NHSL2: variants seen among roughly 807,000 people sequenced by gnomAD.
The protein encoded by NHSL2 is NHS like 2, also known as NHS-like protein 2.
A neutral mutation model predicts 53.4 loss-of-function variants in NHSL2; 27 were observed. The observed-to-expected ratio is 0.51, with a 90% confidence interval of 0.37 to 0.70. The LOEUF is 0.70. Ranked by LOEUF, NHSL2 falls within the 30% of genes least tolerant of loss-of-function variation. The pLI is 0.00. For synonymous variants in NHSL2, 408 were observed against 404.1 expected, an observed-to-expected ratio of 1.01 and a Z score of -0.12; for missense variants, 892 against 980.1, an observed-to-expected ratio of 0.91 and a Z score of 1.20.
chrX:72,132,092 G>C lies in NHSL2; in HGVS notation c.294G>C (p.Ser98=), dbSNP rs1331207835. ...EDEEELAAAN[S]GRENATATAH... is the part of the protein sequence containing the mutation. ...CTCCTTCCCTAGCTGCAGCTAACTCGGGTCGGGAAAATGCGACAGCGACTG... is the reference window on the plus strand; with the variant it reads ...CTCCTTCCCTAGCTGCAGCTAACTCCGGTCGGGAAAATGCGACAGCGACTG... Residue 98 remains serine, a synonymous_variant, in exon 2 of 8, where the codon TCG becomes TCC. Transcript: ENST00000633930. 8.6e-7 allele frequency: 1 copy of C among 1,165,401 alleles called. No individual in the cohort carries two copies. The highest frequency in any genetic ancestry group is 1.1e-6 in the Non-Finnish European group (1 of 872,093).
intron 1 of NHSL2, among the ~76,000 whole-genome samples, chrX:71,912,902 C>A (rs2147806049): frequency 8.9e-6 from 1 of 111,981 alleles, no homozygotes; most frequent in South Asian, 3.8e-4. Context: ...ACTGAATTAG[C>A]AAGCCCTTTC....
intron 1 of NHSL2, among the ~76,000 whole-genome samples, chrX:71,978,773 T>A (rs905785987): frequency 3.4e-5 from 3 of 88,874 alleles, no homozygotes; most frequent in South Asian, 5.6e-4. Flanking sequence ...TTTTTTTTTT[T>A]AATTATACTG....
intron 4 of NHSL2, among the ~76,000 whole-genome samples, chrX:72,135,591 C>T (rs1474116667): frequency 8.9e-6 from 1 of 112,127 alleles, no homozygotes; most frequent in Non-Finnish European, 1.9e-5. Context: ...TGTGGCAATG[C>T]TCCCTGGATA....
In NHSL2 at chrX:71,982,974, G is replaced by A. The variant is rs759387703; in HGVS notation, c.280+71607G>A. ...AACTGGTGTGTGAAGAAGGGGGGACGCAGTCTTGGGGACTGAGCCTTCAAC... is the reference window on the plus strand; with the variant it reads ...AACTGGTGTGTGAAGAAGGGGGGACACAGTCTTGGGGACTGAGCCTTCAAC... On this transcript the variant is annotated intron_variant, in intron 1 of 7. Transcript: ENST00000633930. Among the ~76,000 whole-genome samples, 12 of 112,075 alleles carry A rather than the reference G, an allele frequency of 1.1e-4. No individual in the cohort carries two copies. The South Asian group carries it at 4.5e-3, about 42-fold the overall frequency.
chrX:71,970,485 A>G (rs2041920517), intron 1 of NHSL2, among the ~76,000 whole-genome samples: 1 of 111,544 alleles, frequency 9.0e-6, no homozygotes, highest in African/African-American at 3.2e-5. Context: ...GAATTTGTCT[A>G]TTTTATCTAA....
At position 72,065,130 on chromosome X, in the gene NHSL2, A is replaced by AACAAGG. The variant is rs979290709; in HGVS notation, c.281-66946_281-66941dup. ...GAGAAGACTCTTGGGTTGGTGGGGG[A>AACAAGG]ACAAGGACCAAGCATGTGGAGCTTT... On this transcript the variant is annotated intron_variant, in intron 1 of 7. Coordinates refer to ENST00000633930, the MANE Select transcript of NHSL2 (RefSeq NM_001013627.3). Among the ~76,000 whole-genome samples, 7 of 111,784 alleles carry AACAAGG rather than the reference A, an allele frequency of 6.3e-5. No homozygotes were observed. In the South Asian group the frequency reaches 1.9e-3, roughly 30 times the overall value.
chrX:72,077,922 A>G, intron 1 of NHSL2, among the ~76,000 whole-genome samples: 2 of 112,783 alleles, frequency 1.8e-5, no homozygotes, highest in Middle Eastern at 9.1e-3. Context: ...ACTGCTAGGA[A>G]ACACGGGCCA....
At chrX:72,060,106 G>A (rs12006938) in intron 1 of NHSL2, among the ~76,000 whole-genome samples, 11,128 of 111,869 alleles carry the variant, frequency 0.099, 827 homozygotes, top group African/African-American at 0.25. Context: ...AGGCCATGTG[G>A]TGAAGCACAA....
chrX:72,069,934 TAA>T (rs1405052138), intron 1 of NHSL2, among the ~76,000 whole-genome samples: 2 of 111,762 alleles, frequency 1.8e-5, no homozygotes, highest in Non-Finnish European at 3.8e-5. Context: ...CTGAATTGCA[TAA>T]GTCAGAGCAT....
chrX:72,131,928 G>C, intron 1 of NHSL2, 151 bp from the exon 2 acceptor site: 2 of 519,425 alleles, frequency 3.9e-6, no homozygotes, highest in Non-Finnish European at 6.3e-6. Context: ...AAAATCTTGC[G>C]GCCGGCGATT....
rs1322328645 is a variant in NHSL2 at position 72,151,641 on chromosome X, A to C, written c.*8067A>C. On this transcript the variant is annotated 3_prime_UTR_variant, in exon 8 of 8. Coordinates refer to ENST00000633930, the MANE Select transcript of NHSL2 (RefSeq NM_001013627.3). ...TTCCCCAGACCTATCCTTGTTACCC[A>C]ATGTGCCTCTGCTTCCCTGGGTTTG... The C allele has an allele frequency of 9.0e-6, 1 of 111,476 alleles. No homozygotes were observed. The highest frequency in any genetic ancestry group is 1.9e-5 in the Non-Finnish European group (1 of 53,097). The allele number at this position is 111,476 out of a possible 1,213,427, so 9.2% of individuals were successfully genotyped here. A position where few individuals can be genotyped will look rare whatever the true frequency, so the allele number is the denominator to read the frequency against.
At chrX:72,059,861 C>T (rs1407341641) in intron 1 of NHSL2, among the ~76,000 whole-genome samples, 1 of 112,210 alleles carries the variant, frequency 8.9e-6, no homozygotes, top group Non-Finnish European at 1.9e-5. Flanking sequence ...CATTCTCTTT[C>T]AGTCTCATTC....
intron 1 of NHSL2, among the ~76,000 whole-genome samples, chrX:71,950,402 A>G (rs2041815080): frequency 8.9e-6 from 1 of 112,771 alleles, no homozygotes; most frequent in Non-Finnish European, 1.9e-5. Flanking sequence ...GCAGGTTGCC[A>G]TGGTATTTTG....
intron 1 of NHSL2, among the ~76,000 whole-genome samples, chrX:72,068,830 G>A (rs1459839730): frequency 1.8e-5 from 2 of 112,140 alleles, no homozygotes; most frequent in Non-Finnish European, 3.8e-5. Flanking sequence ...GAGAGGGAGG[G>A]GAGAGTGGAG....
intron 1 of NHSL2, among the ~76,000 whole-genome samples, chrX:71,931,615 A>G (rs1470938851): frequency 8.9e-6 from 1 of 112,488 alleles, no homozygotes; most frequent in Non-Finnish European, 1.9e-5. Flanking sequence ...CTTTTGTTAA[A>G]GAGACTATTC....
chrX:72,110,724 TAAAAAAAAAAA>T (rs56082929), intron 1 of NHSL2, among the ~76,000 whole-genome samples: 3 of 46,776 alleles, frequency 6.4e-5, no homozygotes, highest in Admixed American at 3.2e-4. Flanking sequence ...TCCTCCCACC[TAAAAAAAAAAA>T]AAAAAAAAAA....
chrX:71,954,386 T>TG (rs1180766273), intron 1 of NHSL2, among the ~76,000 whole-genome samples: 1 of 112,389 alleles, frequency 8.9e-6, no homozygotes. Flanking sequence ...ACTGCCTCTG[T>TG]GGGGGCTTGC....
intron 1 of NHSL2, among the ~76,000 whole-genome samples, chrX:71,930,389 T>C (rs1198858591): frequency 1.8e-5 from 2 of 112,756 alleles, no homozygotes; most frequent in Non-Finnish European, 3.7e-5. Context: ...AACAGCTTTA[T>C]TGAAAATAAT....
intron 1 of NHSL2, among the ~76,000 whole-genome samples, chrX:72,021,683 G>A (rs999857010): frequency 2.7e-5 from 3 of 111,583 alleles, no homozygotes; most frequent in Non-Finnish European, 3.8e-5. Context: ...ATGAAGATTG[G>A]GTGACTTAAG....
Sources: gnomAD v4.1 joint callset for allele counts (sites outside exome capture counted in the v4.1 genomes callset) on GRCh38, gnomAD v4.1.1 for gene constraint, MANE v1.5 for transcripts, NCBI Gene and HGNC (gene_info 2026-07-23, HGNC 2026-07-21) for gene names.